The following ROBO2 variants were observed in gnomAD, a reference collection of about 807,000 sequenced individuals.
The protein encoded by ROBO2 is roundabout homolog 2.
A neutral mutation model predicts 160.8 loss-of-function variants in ROBO2; 53 were observed. The ratio of observed to expected loss-of-function variants is 0.33; its 90% CI spans 0.26 to 0.41. ROBO2 has a LOEUF of 0.41. ROBO2 is among the 10% of genes least tolerant of loss of function. ROBO2 has a pLI of 1.00. For missense variants in ROBO2, 1,577 were observed against 1,722.4 expected, an observed-to-expected ratio of 0.92 and a Z score of 1.49; for synonymous variants, 664 against 611.7, an observed-to-expected ratio of 1.09 and a Z score of -1.26.
intron 2 of ROBO2, among the ~76,000 whole-genome samples, chr3:76,685,200 T>G (rs2092659085): frequency 6.7e-6 from 1 of 148,996 alleles, no homozygotes; most frequent in Admixed American, 6.6e-5. Context: ...GTGTTTTTTT[T>G]TTTTTTTTTT....
chr3:76,301,402 G>A (rs971049609), intron 2 of ROBO2, among the ~76,000 whole-genome samples: 1 of 152,084 alleles, frequency 6.6e-6, no homozygotes, highest in Non-Finnish European at 1.5e-5. Context: ...AAAAAAAACT[G>A]AGAATTATAT....
At chr3:77,572,283 A>G (rs969439124) in intron 13 of ROBO2, among the ~76,000 whole-genome samples, 2 of 152,032 alleles carry the variant, frequency 1.3e-5, no homozygotes, top group Admixed American at 1.3e-4. Flanking sequence ...TTGTTTTAAC[A>G]TATACTGCAA....
intron 2 of ROBO2, among the ~76,000 whole-genome samples, chr3:77,172,182 TAAG>T (rs2079702511): frequency 6.6e-6 from 1 of 152,148 alleles, no homozygotes; most frequent in African/African-American, 2.4e-5. Flanking sequence ...CATGCTCAGG[TAAG>T]AAGATTTTTG....
intron 2 of ROBO2, among the ~76,000 whole-genome samples, chr3:77,175,169 A>C (rs1228425137): frequency 6.6e-6 from 1 of 152,182 alleles, no homozygotes; most frequent in South Asian, 2.1e-4. Context: ...GAAACTATAT[A>C]TTTAGTAGTA....
chr3:77,005,091 C>T (rs989293073), intron 2 of ROBO2, among the ~76,000 whole-genome samples: 1 of 152,142 alleles, frequency 6.6e-6, no homozygotes, highest in Non-Finnish European at 1.5e-5. Flanking sequence ...AGGTTGGACA[C>T]GCTTGGCAGG....
intron 2 of ROBO2, among the ~76,000 whole-genome samples, chr3:77,180,311 T>A (rs1048348387): frequency 6.6e-6 from 1 of 150,476 alleles, no homozygotes; most frequent in South Asian, 2.1e-4. Flanking sequence ...CAACAAAAAA[T>A]CAGTTTAGAA....
intron 2 of ROBO2, among the ~76,000 whole-genome samples, chr3:76,088,315 C>A (rs1318482074): frequency 6.6e-6 from 1 of 151,980 alleles, no homozygotes; most frequent in Non-Finnish European, 1.5e-5. Flanking sequence ...ATGGGCAAAT[C>A]CAACAGGCAG....
At chr3:76,141,141 C>G (rs1205939387) in intron 2 of ROBO2, among the ~76,000 whole-genome samples, 1 of 61,222 alleles carries the variant, frequency 1.6e-5, no homozygotes, top group Admixed American at 2.0e-4. Flanking sequence ...CTCTCTCTCT[C>G]TCTCTCTCTC....
chr3:77,086,833 C>T (rs2069387145), intron 1 of ROBO2, among the ~76,000 whole-genome samples: 1 of 152,130 alleles, frequency 6.6e-6, no homozygotes, highest in East Asian at 1.9e-4. Flanking sequence ...TTCCATCTGT[C>T]TTTTAAAAAT....
intron 2 of ROBO2, among the ~76,000 whole-genome samples, chr3:76,374,156 T>TC (rs2076234881): frequency 6.6e-6 from 1 of 151,436 alleles, no homozygotes; most frequent in South Asian, 2.1e-4. Context: ...AAAAAACGAG[T>TC]CCCCCCTCCC....
At chr3:76,175,407 C>T (rs1028754731) in intron 2 of ROBO2, among the ~76,000 whole-genome samples, 2 of 151,914 alleles carry the variant, frequency 1.3e-5, no homozygotes, top group African/African-American at 2.4e-5. Flanking sequence ...TTATTCCAGA[C>T]CTATATTTAA....
At position 77,558,674 on chromosome 3, in the gene ROBO2, G is replaced by A. The variant is rs554201886; in HGVS notation, c.1437+525G>A. 2.6e-3 allele frequency among the ~76,000 whole-genome samples: 402 copies of A among 152,128 alleles called. 4 individuals are homozygous for A. Among genetic ancestry groups the A allele is most frequent in the African/African-American group, 9.2e-3 (381 of 41,520 alleles). ...GATTTAAACCCATGGAAAGAACAAG[G>A]CATTGGTGGTTTTTTACTGACGTTT... On this transcript the variant is annotated intron_variant, in intron 9 of 25. Coordinates refer to ENST00000461745, the Ensembl canonical transcript of ROBO2.
At chr3:76,586,692 A>G (rs1396101307) in intron 2 of ROBO2, among the ~76,000 whole-genome samples, 1 of 152,258 alleles carries the variant, frequency 6.6e-6, no homozygotes, top group Non-Finnish European at 1.5e-5. Flanking sequence ...TGCACAACAT[A>G]GTATTAGATC....
intron 2 of ROBO2, among the ~76,000 whole-genome samples, chr3:76,617,217 G>T (rs930714536): frequency 1.3e-5 from 2 of 152,000 alleles, no homozygotes; most frequent in Non-Finnish European, 2.9e-5. Context: ...CCTGAAAAGG[G>T]CCCATCCTTT....
intron 2 of ROBO2, among the ~76,000 whole-genome samples, chr3:76,319,150 C>G (rs990675830): frequency 5.9e-5 from 9 of 152,146 alleles, no homozygotes; most frequent in Admixed American, 5.2e-4. Flanking sequence ...TCAGTCTCAT[C>G]AGTCCTGAGG....
chr3:76,037,944 A>T (rs527333564), intron 2 of ROBO2, among the ~76,000 whole-genome samples: 2 of 152,172 alleles, frequency 1.3e-5, no homozygotes, highest in East Asian at 3.9e-4. Flanking sequence ...GAGGAACTTA[A>T]GGAAGAAATA....
intron 2 of ROBO2, 57 bp from the exon 3 acceptor site, chr3:77,477,357 C>A (rs2084135911): frequency 6.3e-7 from 1 of 1,575,954 alleles, no homozygotes; most frequent in Non-Finnish European, 8.7e-7. Flanking sequence ...CCTTGTACAA[C>A]AAAAAGCCTA....
chr3:75,957,060 T>G (rs1406499278), intron 2 of ROBO2, among the ~76,000 whole-genome samples: 2 of 151,732 alleles, frequency 1.3e-5, no homozygotes, highest in Non-Finnish European at 2.9e-5. Context: ...CATTATTAAT[T>G]TATTTTATGA....
chr3:77,387,520 G>C (rs140907529), intron 2 of ROBO2, among the ~76,000 whole-genome samples: 1,573 of 151,808 alleles, frequency 0.01, 20 homozygotes, highest in Non-Finnish European at 0.013. Context: ...GCTATTTGAA[G>C]TTTCCTTTTG....
Sources: allele counts gnomAD v4.1 joint callset (sites outside exome capture counted in the v4.1 genomes callset), GRCh38; gene constraint gnomAD v4.1.1; transcripts MANE v1.5; gene names NCBI Gene and HGNC (gene_info 2026-07-23, HGNC 2026-07-21).